Variants in KRABD5 observed in about 807,000 individuals in gnomAD.
KRABD5 encodes KRAB domain containing 5, also known as KRAB domain-containing protein 5.
At chr16:31,717,704 AT>A in the KRABD5 span, among the ~76,000 whole-genome samples, 1 of 152,070 alleles carries the variant, frequency 6.6e-6, no homozygotes, top group Non-Finnish European at 1.5e-5. Context: ...CGTTTCTACC[AT>A]TGTGCATCAT....
chr16:31,744,098 A>G, the KRABD5 span, among the ~76,000 whole-genome samples: 1 of 152,080 alleles, frequency 6.6e-6, no homozygotes, highest in Admixed American at 6.6e-5. Flanking sequence ...CTCTCTTCCT[A>G]TTTGAATACC....
chr16:31,723,620 C>T, the KRABD5 span, among the ~76,000 whole-genome samples: 47 of 152,308 alleles, frequency 3.1e-4, 1 homozygote, highest in South Asian at 9.3e-3. Flanking sequence ...TGAGGGCCTG[C>T]GTGATCTGAC....
the KRABD5 span, among the ~76,000 whole-genome samples, chr16:31,718,905 C>T: frequency 6.6e-6 from 1 of 152,186 alleles, no homozygotes; most frequent in Admixed American, 6.5e-5. Flanking sequence ...AATTTCTTTC[C>T]ATCTCAGAAG....
chr16:31,738,751 G>A, the KRABD5 span, among the ~76,000 whole-genome samples: 33 of 151,918 alleles, frequency 2.2e-4, no homozygotes, highest in African/African-American at 4.3e-4. Flanking sequence ...TTTTGGTCCC[G>A]TTTTCTTCTC....
At chr16:31,714,152 G>A in the KRABD5 span, among the ~76,000 whole-genome samples, 1 of 152,176 alleles carries the variant, frequency 6.6e-6, no homozygotes, top group Non-Finnish European at 1.5e-5. Context: ...CGACTTTAAT[G>A]CCAAATGTTA....
chr16:31,749,901 T>C, the KRABD5 span, among the ~76,000 whole-genome samples: 1 of 152,182 alleles, frequency 6.6e-6, no homozygotes, highest in Non-Finnish European at 1.5e-5. Context: ...CGCCCCTGTG[T>C]GTATTTTTAT....
the KRABD5 span, chr16:31,753,982 CAGG>C: frequency 2.0e-6 from 3 of 1,501,216 alleles, no homozygotes; most frequent in East Asian, 4.9e-5. Context: ...CTCACTGTTA[CAGG>C]AGGTCAAAAA....
the KRABD5 span, among the ~76,000 whole-genome samples, chr16:31,728,645 A>AC: frequency 6.6e-6 from 1 of 152,150 alleles, no homozygotes; most frequent in Admixed American, 6.5e-5. Context: ...CAGTGCAATC[A>AC]GAAAAAAAAA....
At chr16:31,750,698 A>G in the KRABD5 span, among the ~76,000 whole-genome samples, 43 of 151,326 alleles carry the variant, frequency 2.8e-4, no homozygotes, top group South Asian at 5.2e-3. Context: ...TGTTTCTTCA[A>G]TGCTTAGTTT....
At chr16:31,754,592 G>A in the KRABD5 span, 1 of 486,720 alleles carries the variant, frequency 2.1e-6, no homozygotes, top group South Asian at 1.5e-5. Flanking sequence ...CACCAACCAT[G>A]TCCATCAGAG....
chr16:31,756,596 A>T, the KRABD5 span: 1 of 152,166 alleles, frequency 6.6e-6, no homozygotes, highest in Non-Finnish European at 1.5e-5. Flanking sequence ...CATGGTTACT[A>T]TTTTATATTC....
At chr16:31,735,766 G>T in the KRABD5 span, among the ~76,000 whole-genome samples, 1 of 151,990 alleles carries the variant, frequency 6.6e-6, no homozygotes, top group Non-Finnish European at 1.5e-5. Flanking sequence ...AAATTGGATT[G>T]TATGTTTGTT....
At chr16:31,720,899 T>C in the KRABD5 span, among the ~76,000 whole-genome samples, 2 of 152,336 alleles carry the variant, frequency 1.3e-5, no homozygotes, top group African/African-American at 2.4e-5. Flanking sequence ...TGACCGTAAA[T>C]ACTGGTTTTT....
the KRABD5 span, among the ~76,000 whole-genome samples, chr16:31,731,322 G>A: frequency 6.6e-6 from 1 of 152,080 alleles, no homozygotes; most frequent in Non-Finnish European, 1.5e-5. Flanking sequence ...TACTAGCAGG[G>A]CATAGATAGT....
chr16:31,725,370 G>A, the KRABD5 span, among the ~76,000 whole-genome samples: 18 of 152,246 alleles, frequency 1.2e-4, no homozygotes, highest in African/African-American at 3.9e-4. Context: ...CGCACACCTC[G>A]TCCTCCCAAA....
chr16:31,713,284 A>G, the KRABD5 span: 3 of 1,092,592 alleles, frequency 2.7e-6, no homozygotes, highest in Non-Finnish European at 4.0e-6. Context: ...GTAAGAGCTC[A>G]GTCTCTTCAC....
the KRABD5 span, among the ~76,000 whole-genome samples, chr16:31,753,321 C>T: frequency 1.7e-3 from 253 of 152,230 alleles, no homozygotes; most frequent in African/African-American, 5.6e-3. Context: ...TCAGTTGACC[C>T]GACATATCAT....
chr16:31,728,283 T>G, the KRABD5 span, among the ~76,000 whole-genome samples: 2 of 152,200 alleles, frequency 1.3e-5, no homozygotes, highest in African/African-American at 4.8e-5. Context: ...TTTCTAGTCT[T>G]TATTTAGTCT....
the KRABD5 span, among the ~76,000 whole-genome samples, chr16:31,727,605 C>G: frequency 2.0e-5 from 3 of 152,184 alleles, no homozygotes; most frequent in Non-Finnish European, 4.4e-5. Context: ...ATGTGTGATA[C>G]AATTCACCCA....
Sources: gnomAD v4.1 joint callset for allele counts (sites outside exome capture counted in the v4.1 genomes callset) on GRCh38, gnomAD v4.1.1 for gene constraint, MANE v1.5 for transcripts, NCBI Gene and HGNC (gene_info 2026-07-23, HGNC 2026-07-21) for gene names.